CSNK2A1: variants seen among roughly 807,000 people sequenced by gnomAD.
CSNK2A1 encodes casein kinase 2 alpha 1, also known as casein kinase II subunit alpha.
A neutral mutation model predicts 62.9 loss-of-function variants in CSNK2A1; 10 were observed. The ratio of observed to expected loss-of-function variants is 0.16; its 90% confidence interval spans 0.10 to 0.27. CSNK2A1 has a LOEUF of 0.27. CSNK2A1 is among the 10% of genes least tolerant of loss of function. CSNK2A1 has a pLI of 1.00. For synonymous variants in CSNK2A1, 124 were observed against 167.8 expected (o/e 0.74, Z 2.02); for missense variants, 160 against 492.0 (o/e 0.33, Z 6.38).
At position 499,168 on chromosome 20, in the gene CSNK2A1, C is replaced by T. The variant is rs568361973; in HGVS notation, c.366+87G>A. The T allele has an allele frequency of 5.6e-5, 66 of 1,177,098 alleles. No homozygotes were observed. Among genetic ancestry groups the T allele is most frequent in the South Asian group, 1.4e-4 (6 of 43,380 alleles). 72.9% of individuals were successfully genotyped at this position (1,177,098 alleles called of 1,614,324 possible). ...ATGAAAAGCTTTTTAAAAACAAATG[C>T]GAAGCAAGCTCTTCTAACAGCATCA... On this transcript the variant is annotated intron_variant, in intron 6 of 13. Coordinates refer to ENST00000217244, the MANE Select transcript of CSNK2A1 (RefSeq NM_177559.3). The surrounding 1 kb of genome is among the most constrained non-coding windows in gnomAD (Gnocchi z 4.2).
Position 495,710 on chromosome 20 carries a change from T to C in CSNK2A1, c.510+9A>G, listed in dbSNP as rs749419356. ...TAGATAAATAACACTTGTCAGCCTA[T>C]CACTTTACCTTTCTGTGCTCATGAT... On this transcript the variant is annotated intron_variant, in intron 8 of 13. Coordinates refer to ENST00000217244, the MANE Select transcript of CSNK2A1 (RefSeq NM_177559.3). 1.1e-5 allele frequency: 17 copies of C among 1,612,150 alleles called. No homozygotes were observed. The highest frequency in any genetic ancestry group is 1.7e-5 in the Admixed American group (1 of 60,024).
chr20:484,119 G>T, intron 13 of CSNK2A1, 43 bp from the exon 14 acceptor site: 1 of 1,459,960 alleles, frequency 6.8e-7, no homozygotes, highest in Non-Finnish European at 9.2e-7. Context: ...CACCAACCAT[G>T]GCAATCTTAC....
At position 486,400 on chromosome 20, in the gene CSNK2A1, C is replaced by T. The variant is rs61745803; in HGVS notation, c.1036G>A (p.Val346Ile). 3.5e-5 allele frequency: 56 copies of T among 1,613,472 alleles called. No individual in the cohort carries two copies. The highest frequency in any genetic ancestry group is 4.2e-5 in the Non-Finnish European group (49 of 1,179,914). ...SSSMPGGSTP[V>I]SSANMMSGIS... ...CCTGACATCATATTGGCGCTGCTGA[C>T]GGGCGTACTGCCCCCTGGCATGCTA... The change falls in exon 13 of 14, where the codon GTC becomes ATC. Residue 346 changes from valine to isoleucine, a missense_variant. Val to Ile is a conservative substitution (Grantham distance 29, BLOSUM62 3). Transcript: ENST00000217244.
At chr20:539,659 G>A (rs1281991717) in intron 1 of CSNK2A1, 1 of 152,150 alleles carries the variant, frequency 6.6e-6, no homozygotes, top group Non-Finnish European at 1.5e-5. Flanking sequence ...AATCGTAGGG[G>A]AGCCATTCTG....
chr20:492,170 C>A, intron 9 of CSNK2A1, 84 bp downstream of exon 9: 1 of 1,218,334 alleles, frequency 8.2e-7, no homozygotes, highest in Non-Finnish European at 1.2e-6. Context: ...TACCTAAATG[C>A]ACAAAATGAT....
chr20:485,225 C>T (rs2018071962), intron 13 of CSNK2A1, among the ~76,000 whole-genome samples: 1 of 146,492 alleles, frequency 6.8e-6, no homozygotes, highest in Admixed American at 7.0e-5. Flanking sequence ...TCACTCTCAC[C>T]CAGGCTGGAG....
rs370147495 is a variant in CSNK2A1 at position 514,752 on chromosome 20, TTA to T, written c.-109-6094_-109-6093del. Among the ~76,000 whole-genome samples, 23 of 152,266 alleles carry T rather than the reference TTA, an allele frequency of 1.5e-4. No homozygotes were observed. In the East Asian group the frequency reaches 3.9e-3, roughly 26 times the overall value. ...CCACCATGCCCAACCAAGATAAACA[TTA>T]TCTTATTTAGAAATAGTATTTCACT... On this transcript the variant is annotated intron_variant, in intron 2 of 13. Transcript: ENST00000217244.
chr20:533,536 G>A (rs1272356168), intron 1 of CSNK2A1, among the ~76,000 whole-genome samples: 1 of 152,206 alleles, frequency 6.6e-6, no homozygotes, highest in Non-Finnish European at 1.5e-5. Context: ...CCAGGAGGCA[G>A]AGGTTGCAAT....
rs1272727866 is a variant in CSNK2A1, at chr20:487,889, T to C, written c.825-314A>G. 2.1e-5 allele frequency: 8 copies of C among 385,762 alleles called. No homozygotes were observed. The Admixed American group carries it at 2.3e-4, about 11-fold the overall frequency. 23.9% of individuals were successfully genotyped at this position (385,762 alleles called of 1,614,324 possible). A position where few individuals can be genotyped will look rare whatever the true frequency, so the allele number is the denominator to read the frequency against. ...CAGGTGGCTGAGCTCACCAGGCCTA[T>C]TTCCCATCCCCACACATATTCCTGG... On this transcript the variant is annotated intron_variant, in intron 11 of 13. Transcript: ENST00000217244.
At chr20:489,178 C>T in intron 10 of CSNK2A1, 1 of 186,238 alleles carries the variant, frequency 5.4e-6, no homozygotes, top group South Asian at 1.3e-4. Context: ...TATGAACTAT[C>T]TGAGGGGAAG....
Position 488,704 on chromosome 20 carries a change from A to T in CSNK2A1, c.798T>A (p.Asp266Glu). 6.2e-7 allele frequency: 1 copy of T among 1,613,918 alleles called. No homozygotes were observed. Among genetic ancestry groups the T allele is most frequent in the South Asian group, 1.1e-5 (1 of 91,052 alleles). Residue 266 changes from aspartate to glutamate, a missense_variant, in exon 11 of 14, where the codon GAT (aspartate) becomes GAA (glutamate). Asp to Glu is a conservative substitution (Grantham distance 45, BLOSUM62 2). Coordinates refer to ENST00000217244, the MANE Select transcript of CSNK2A1 (RefSeq NM_177559.3). ...TGCCCAAGATATCATTGAAACGTGG[A>T]TCTAATTCAATGTTGTATTTGTCAA... ...DYIDKYNIEL[D>E]PRFNDILGRH...
intron 13 of CSNK2A1, among the ~76,000 whole-genome samples, chr20:485,066 C>CAAAAAAAAAAAAAAAAAAA (rs1157352244): frequency 4.5e-5 from 1 of 22,032 alleles, no homozygotes; most frequent in Non-Finnish European, 7.5e-5. Flanking sequence ...ACCTTGTCTC[C>CAAAAAAAAAAAAAAAAAAA]AAAAAAAAAA....
rs1416580302 is a variant in CSNK2A1, at chr20:478,308, A to G, written c.*5653T>C. ...GGTTGAGGGTTATGGAGGGTTCTTCATAGGAAGTTCACCATGGAGTTCTTG... is the reference window on the plus strand; with the variant it reads ...GGTTGAGGGTTATGGAGGGTTCTTCGTAGGAAGTTCACCATGGAGTTCTTG... On this transcript the variant is annotated 3_prime_UTR_variant, in exon 14 of 14. Transcript: ENST00000217244. 6.2e-6 allele frequency: 1 copy of G among 160,676 alleles called. No homozygotes were observed. The highest frequency in any genetic ancestry group is 2.4e-5 in the African/African-American group (1 of 41,456). The allele number at this position is 160,676 out of a possible 1,614,324, so 10.0% of individuals were successfully genotyped here.
At chr20:541,962 CT>C (rs1207296732) in intron 1 of CSNK2A1, among the ~76,000 whole-genome samples, 1 of 152,200 alleles carries the variant, frequency 6.6e-6, no homozygotes, top group Non-Finnish European at 1.5e-5. Flanking sequence ...CGGAGGAGAA[CT>C]AGTATTGGTA....
intron 9 of CSNK2A1, 83 bp downstream of exon 9, chr20:492,171 A>T (rs1036469857): frequency 1.1e-5 from 14 of 1,241,178 alleles, no homozygotes; most frequent in African/African-American, 1.5e-5. Flanking sequence ...ACCTAAATGC[A>T]CAAAATGATA....
intron 2 of CSNK2A1, among the ~76,000 whole-genome samples, chr20:526,518 G>A (rs2019093233): frequency 1.3e-5 from 2 of 151,930 alleles, no homozygotes; most frequent in African/African-American, 4.8e-5. Flanking sequence ...GGCTAAGGCA[G>A]GAAGATCACT....
intron 13 of CSNK2A1, 161 bp from the exon 14 acceptor site, chr20:484,237 A>T: frequency 1.8e-6 from 1 of 557,070 alleles, no homozygotes; most frequent in Non-Finnish European, 3.0e-6. Flanking sequence ...CACAAATTCA[A>T]GTTAAAGTGG....
chr20:501,074 T>C (rs1484501912), intron 4 of CSNK2A1: 1 of 151,582 alleles, frequency 6.6e-6, no homozygotes, highest in Non-Finnish European at 1.5e-5. Context: ...AAAGCCTTTT[T>C]TTTTTTTTGA....
intron 1 of CSNK2A1, among the ~76,000 whole-genome samples, chr20:540,186 C>T (rs1203355694): frequency 6.6e-6 from 1 of 152,210 alleles, no homozygotes; most frequent in Non-Finnish European, 1.5e-5. Context: ...AGCCCTATTA[C>T]TTTCTGTCTC....
Sources: allele counts gnomAD v4.1 joint callset (sites outside exome capture counted in the v4.1 genomes callset), GRCh38; gene constraint gnomAD v4.1.1; non-coding constraint Gnocchi (gnomAD v3.1); transcripts MANE v1.5; gene names NCBI Gene and HGNC (gene_info 2026-07-23, HGNC 2026-07-21).